NXPH1: variants seen among roughly 807,000 people sequenced by gnomAD.
NXPH1 encodes neurexophilin 1, also known as neurexophilin-1.
NXPH1 carries 5 observed loss-of-function variants against 23.7 expected under a neutral mutation model. The observed-to-expected ratio is 0.21, with a 90% CI of 0.11 to 0.44. NXPH1 has a LOEUF of 0.44. Among genes scored for constraint, NXPH1 ranks in the 20% least tolerant of loss-of-function variants. The pLI is 0.99. For synonymous variants in NXPH1, 144 were observed against 122.2 expected, an observed-to-expected ratio of 1.18 and a Z score of -1.18; for missense variants, 324 against 321.6, an observed-to-expected ratio of 1.01 and a Z score of -0.06.
intron 2 of NXPH1, among the ~76,000 whole-genome samples, chr7:8,617,082 A>AT (rs1358567394): frequency 1.3e-5 from 2 of 151,860 alleles, no homozygotes; most frequent in East Asian, 3.9e-4. Flanking sequence ...TGTCATTACA[A>AT]TTGTTGGGGG....
At chr7:8,604,596 G>C (rs1819439874) in intron 2 of NXPH1, among the ~76,000 whole-genome samples, 2 of 151,958 alleles carry the variant, frequency 1.3e-5, no homozygotes, top group South Asian at 2.1e-4. Flanking sequence ...GTCAAACTTT[G>C]AGCTTCATGG....
intron 2 of NXPH1, among the ~76,000 whole-genome samples, chr7:8,581,291 G>T (rs1300834058): frequency 6.6e-6 from 1 of 152,122 alleles, no homozygotes; most frequent in Non-Finnish European, 1.5e-5. Flanking sequence ...ACCTGAGACT[G>T]GGTAATTTAT....
At chr7:8,457,732 A>T (rs912834362) in intron 2 of NXPH1, among the ~76,000 whole-genome samples, 2 of 152,026 alleles carry the variant, frequency 1.3e-5, no homozygotes, top group East Asian at 3.9e-4. Flanking sequence ...TTGCATACTT[A>T]TCCCTTGCTT....
chr7:8,466,522 C>T (rs1319020106), intron 2 of NXPH1, among the ~76,000 whole-genome samples: 1 of 152,186 alleles, frequency 6.6e-6, no homozygotes, highest in South Asian at 2.1e-4. Context: ...GCAACATTTG[C>T]TGGAGTTCTG....
At chr7:8,682,426 CT>C (rs1021962813) in intron 2 of NXPH1, among the ~76,000 whole-genome samples, 20 of 152,240 alleles carry the variant, frequency 1.3e-4, no homozygotes, top group African/African-American at 4.8e-4. Flanking sequence ...CTTTACAGTA[CT>C]CACACAATGA....
intron 2 of NXPH1, among the ~76,000 whole-genome samples, chr7:8,537,105 T>C (rs1818039288): frequency 6.6e-6 from 1 of 151,986 alleles, no homozygotes; most frequent in Non-Finnish European, 1.5e-5. Context: ...CTTCTCAGCA[T>C]AGCATGCTTT....
chr7:8,532,380 C>G lies in NXPH1; in HGVS notation c.54+96613C>G, dbSNP rs537400188. 3.4e-4 allele frequency among the ~76,000 whole-genome samples: 50 copies of G among 148,310 alleles called. No individual in the cohort carries two copies. The Middle Eastern group carries it at 0.024, about 72-fold the overall frequency. On this transcript the variant is annotated intron_variant, in intron 2 of 2. Transcript: ENST00000405863. The stretch of plus-strand genomic sequence containing the variant: ...AGGCAGGAAAGAAGGAAAGCATTTG[C>G]TGCAGCCTGCCCCTATGTTGTACCC...
In NXPH1 at chr7:8,541,827, A is replaced by C. The variant is rs374032787; in HGVS notation, c.54+106060A>C. 4.6e-5 allele frequency among the ~76,000 whole-genome samples: 7 copies of C among 151,800 alleles called. No individual in the cohort carries two copies. The East Asian group carries it at 9.7e-4, about 21-fold the overall frequency. On this transcript the variant is annotated intron_variant, in intron 2 of 2. Coordinates refer to ENST00000405863, the MANE Select transcript of NXPH1 (RefSeq NM_152745.3). ...AAACTGTGATAAGTTAAAGATGTATAGAGTTAACTCTAAAGCAGTAACTAA... is the reference window on the plus strand; with the variant it reads ...AAACTGTGATAAGTTAAAGATGTATCGAGTTAACTCTAAAGCAGTAACTAA...
At chr7:8,697,078 A>G (rs1779540347) in intron 2 of NXPH1, among the ~76,000 whole-genome samples, 1 of 146,832 alleles carries the variant, frequency 6.8e-6, no homozygotes. Context: ...GAATCACTTG[A>G]GCCAGGGAGG....
chr7:8,588,521 C>T (rs1391312649), intron 2 of NXPH1, among the ~76,000 whole-genome samples: 2 of 152,068 alleles, frequency 1.3e-5, no homozygotes, highest in East Asian at 1.9e-4. Flanking sequence ...CACAACAGAC[C>T]ACATAACTAC....
intron 2 of NXPH1, among the ~76,000 whole-genome samples, chr7:8,688,511 G>T (rs1821181097): frequency 6.6e-6 from 1 of 152,162 alleles, no homozygotes; most frequent in Non-Finnish European, 1.5e-5. Flanking sequence ...GATTGTGTCT[G>T]CCAACAGAAT....
At chr7:8,521,081 A>G (rs765748329) in intron 2 of NXPH1, among the ~76,000 whole-genome samples, 28 of 152,160 alleles carry the variant, frequency 1.8e-4, no homozygotes, top group Non-Finnish European at 4.0e-4. Flanking sequence ...GATTAAATCC[A>G]TCAATAAATA....
intron 2 of NXPH1, among the ~76,000 whole-genome samples, chr7:8,667,679 T>C (rs1820794855): frequency 6.6e-6 from 1 of 152,126 alleles, no homozygotes; most frequent in Non-Finnish European, 1.5e-5. Context: ...CTTATTTAGA[T>C]TGAATCTAAT....
chr7:8,610,863 A>T (rs1232170591), intron 2 of NXPH1, among the ~76,000 whole-genome samples: 1 of 152,052 alleles, frequency 6.6e-6, no homozygotes, highest in Non-Finnish European at 1.5e-5. Flanking sequence ...GCTATTAAAT[A>T]TTATTCCAGG....
chr7:8,484,715 C>T (rs892088501), intron 2 of NXPH1, among the ~76,000 whole-genome samples: 8 of 152,006 alleles, frequency 5.3e-5, no homozygotes, highest in Non-Finnish European at 7.4e-5. Context: ...GGAAAATGGA[C>T]GTATGTAGGT....
chr7:8,581,900 C>A (rs1392938012), intron 2 of NXPH1, among the ~76,000 whole-genome samples: 6 of 152,152 alleles, frequency 3.9e-5, no homozygotes, highest in Non-Finnish European at 8.8e-5. Context: ...CCTCTGTGGC[C>A]AGTTGCATCT....
chr7:8,739,776 AT>A (rs1780329810), intron 2 of NXPH1, among the ~76,000 whole-genome samples: 1 of 152,092 alleles, frequency 6.6e-6, no homozygotes, highest in African/African-American at 2.4e-5. Context: ...TTCCATCCTT[AT>A]TCTATAAACT....
At chr7:8,474,793 C>A (rs968552033) in intron 2 of NXPH1, among the ~76,000 whole-genome samples, 1 of 152,086 alleles carries the variant, frequency 6.6e-6, no homozygotes, top group African/African-American at 2.4e-5. Context: ...CACTTTTATA[C>A]CCCTCTCTCC....
At chr7:8,630,762 T>C (rs1050652385) in intron 2 of NXPH1, among the ~76,000 whole-genome samples, 44 of 152,104 alleles carry the variant, frequency 2.9e-4, no homozygotes, top group African/African-American at 1.0e-3. Context: ...AAATGCTGGG[T>C]TTTTTCTCCT....
Sources: allele counts gnomAD v4.1 joint callset (sites outside exome capture counted in the v4.1 genomes callset), GRCh38; gene constraint gnomAD v4.1.1; transcripts MANE v1.5; gene names NCBI Gene and HGNC (gene_info 2026-07-23, HGNC 2026-07-21).